Variants in FCMR observed in about 807,000 individuals in gnomAD.
FCMR encodes the protein Fc mu receptor.
Under a neutral mutation model 41.6 loss-of-function variants are expected in FCMR, and 34 were observed. The observed-to-expected ratio is 0.82, with a 90% CI of 0.62 to 1.09. The LOEUF is 1.09. FCMR is among the 50% of genes least tolerant of loss of function. The pLI is 0.00. For missense variants in FCMR, 496 were observed against 512.5 expected, an observed-to-expected ratio of 0.97 and a Z score of 0.31; for synonymous variants, 209 against 211.8, an observed-to-expected ratio of 0.99 and a Z score of 0.12.
At chr1:206,905,655 C>T (rs1349348877) in intron 7 of FCMR, among the ~76,000 whole-genome samples, 1 of 152,136 alleles carries the variant, frequency 6.6e-6, no homozygotes, top group African/African-American at 2.4e-5. Flanking sequence ...CTTCCCCAGA[C>T]AGAAACTTCA....
chr1:206,918,857 G>T (rs544661438), intron 1 of FCMR, among the ~76,000 whole-genome samples: 6 of 152,108 alleles, frequency 3.9e-5, no homozygotes, highest in Admixed American at 6.5e-5. Flanking sequence ...TGCCTCATGC[G>T]CTAGGCCCTA....
At position 206,921,775 on chromosome 1, in the gene FCMR, A is replaced by T. The variant is rs766181369; in HGVS notation, c.37+43T>A. 3.1e-6 allele frequency: 5 copies of T among 1,587,646 alleles called. No individual in the cohort carries two copies. The African/African-American group carries it at 6.7e-5, about 21-fold the overall frequency. ...CAATTATTCTACTTGTGGCCAATTCAAGCCTCATTCAGAGGTCTGAAGTGT... is the reference window on the plus strand; with the variant it reads ...CAATTATTCTACTTGTGGCCAATTCTAGCCTCATTCAGAGGTCTGAAGTGT... On this transcript the variant is annotated intron_variant, in intron 1 of 7. Transcript: ENST00000367091.
At chr1:206,923,001 C>G (rs1440511852), upstream of FCMR, 2 of 152,204 alleles carry the variant, frequency 1.3e-5, no homozygotes, top group Non-Finnish European at 2.9e-5. Flanking sequence ...AAGAAGCCTT[C>G]ACTGTGAGCT....
intron 7 of FCMR, among the ~76,000 whole-genome samples, chr1:206,907,080 CGGGGGGTGGGGGGGTGGGGGGGTGGGG>C (rs1678682663): frequency 3.9e-5 from 1 of 25,708 alleles, no homozygotes; most frequent in Non-Finnish European, 7.8e-5. Context: ...CCGGAGAAGC[CGGGGGGTGGGGGGGTGGGGGGGTGGGG>C]GGGGGGTGGG....
chr1:206,912,821 G>A, intron 3 of FCMR, 108 bp downstream of exon 3: 2 of 779,218 alleles, frequency 2.6e-6, no homozygotes, highest in South Asian at 2.9e-5. Context: ...CTAAGACTCA[G>A]CTCAGCTCTG....
At chr1:206,908,909 T>A (rs1192872579) in intron 7 of FCMR, among the ~76,000 whole-genome samples, 1 of 152,258 alleles carries the variant, frequency 6.6e-6, no homozygotes, top group South Asian at 2.1e-4. Context: ...GCGAGTTCCC[T>A]CCATCCACTC....
In FCMR at chr1:206,911,238, GT is replaced by G. The variant is rs34410700; in HGVS notation, c.710+491del. On this transcript the variant is annotated intron_variant, in intron 4 of 7. Coordinates refer to ENST00000367091, the MANE Select transcript of FCMR (RefSeq NM_005449.5). ...CAAAACCAATTTTGATTATTATAGG[GT>G]TTTTTTTTTTTGGAGTCTGCTATAA... Among the ~76,000 whole-genome samples, 384 of 145,998 alleles carry G rather than the reference GT, an allele frequency of 2.6e-3. 3 individuals carry two copies. Among genetic ancestry groups the G allele is most frequent in the East Asian group, 0.024 (122 of 4,992 alleles).
chr1:206,909,658 T>C lies in FCMR; in HGVS notation c.985+67A>G. 1 of 1,351,242 alleles carries C rather than the reference T, an allele frequency of 7.4e-7. No homozygotes were observed. Among genetic ancestry groups the C allele is most frequent in the Non-Finnish European group, 9.5e-7 (1 of 1,057,016 alleles). 83.7% of individuals were successfully genotyped at this position (1,351,242 alleles called of 1,614,324 possible). ...CCTGGCACCTGGGAGCGCGCCCCGC[T>C]GCGCCCGGCTTTCCCGGAGCCAGCG... On this transcript the variant is annotated intron_variant, in intron 6 of 7. Transcript: ENST00000367091. This position sits in a 1 kb window ranked among gnomAD's most constrained non-coding sequence, Gnocchi z 5.0.
intron 3 of FCMR, 133 bp from the exon 4 acceptor site, chr1:206,912,085 G>T: frequency 2.9e-6 from 2 of 678,800 alleles, no homozygotes; most frequent in Non-Finnish European, 4.9e-6. Context: ...AGTCCTCAGG[G>T]CCTAAAATCC....
intron 7 of FCMR, among the ~76,000 whole-genome samples, chr1:206,907,148 T>C (rs977173230): frequency 4.9e-5 from 7 of 144,260 alleles, no homozygotes; most frequent in African/African-American, 1.8e-4. Flanking sequence ...GAACTGCCTC[T>C]TGTTGCTGGG....
chr1:206,922,543 A>C (rs1159889529), upstream of FCMR, among the ~76,000 whole-genome samples: 3 of 152,354 alleles, frequency 2.0e-5, no homozygotes, highest in African/African-American at 7.2e-5. Flanking sequence ...ACAGTTCCTG[A>C]GGACTTCACA....
In FCMR at chr1:206,911,780, G is replaced by A; in HGVS notation, c.660C>T (p.Leu220=). Residue 220 remains leucine (L), a synonymous_variant, in exon 4 of 8, where the codon CTC becomes CTT. Coordinates refer to ENST00000367091, the MANE Select transcript of FCMR (RefSeq NM_005449.5). ...ASKISALEGL[L]KPQTPSYNHH... is the part of the protein sequence containing the mutation. ...GGTTGTAGCTGGGCGTCTGGGGCTT[G>A]AGCAGCCCCTCCAGAGCTGAGATTT... 2 of 1,611,784 alleles carry A rather than the reference G, an allele frequency of 1.2e-6. No individual in the cohort carries two copies. The highest frequency in any genetic ancestry group is 1.7e-6 in the Non-Finnish European group (2 of 1,179,318).
chr1:206,919,874 C>A (rs540651991), intron 1 of FCMR, among the ~76,000 whole-genome samples: 1 of 152,226 alleles, frequency 6.6e-6, no homozygotes, highest in Non-Finnish European at 1.5e-5. Flanking sequence ...CCTACTACCT[C>A]TCACAGTGTT....
chr1:206,913,621 T>G, intron 2 of FCMR, 138 bp downstream of exon 2: 1 of 670,678 alleles, frequency 1.5e-6, no homozygotes, highest in East Asian at 2.6e-5. Flanking sequence ...AGGTTTCATA[T>G]GGATCTCAAT....
chr1:206,908,735 A>AC (rs1558646851), intron 7 of FCMR, among the ~76,000 whole-genome samples: 4 of 152,192 alleles, frequency 2.6e-5, no homozygotes, highest in African/African-American at 7.2e-5. Context: ...GAAAAAAAAA[A>AC]CAGGGATTTT....
In FCMR at chr1:206,909,733, T is replaced by A. The variant is rs544145639; in HGVS notation, c.977A>T (p.Asp326Val). Residue 326 changes from aspartate (D) to valine (V), a missense_variant, in exon 6 of 8, where the codon GAC becomes GTC. Transcript: ENST00000367091. This position sits in a 1 kb window ranked among gnomAD's most constrained non-coding sequence, Gnocchi z 5.0. ...SACPRRARGA[D>V]AAGTGEAPVP... ...CCCGCCCGGCGGCTCACCTGCAGCG[T>A]CCGCTCCACGAGCGCGCCGCGGGCA... The A allele has an allele frequency of 5.5e-6, 8 of 1,454,310 alleles. No individual in the cohort carries two copies. The South Asian group carries it at 6.8e-5, about 12-fold the overall frequency. The allele number at this position is 1,454,310 out of a possible 1,614,324, so 90.1% of individuals were successfully genotyped here.
intron 7 of FCMR, chr1:206,908,012 C>T (rs1678750329): frequency 7.0e-7 from 1 of 1,434,542 alleles, no homozygotes; most frequent in Non-Finnish European, 9.7e-7. Flanking sequence ...CTGAAGCTTA[C>T]AAGAAAGTTT....
intron 1 of FCMR, among the ~76,000 whole-genome samples, chr1:206,916,023 G>A (rs1679177749): frequency 6.6e-6 from 1 of 152,002 alleles, no homozygotes; most frequent in Admixed American, 6.6e-5. Context: ...GGAGAGGGAG[G>A]ACGTACAGGA....
intron 1 of FCMR, among the ~76,000 whole-genome samples, chr1:206,916,765 G>A (rs535417621): frequency 6.6e-5 from 10 of 152,364 alleles, no homozygotes; most frequent in African/African-American, 2.2e-4. Context: ...AGCACAGTGT[G>A]CATGAGACTC....
Sources: gnomAD v4.1 joint callset for allele counts (sites outside exome capture counted in the v4.1 genomes callset) on GRCh38, gnomAD v4.1.1 for gene constraint, Gnocchi (gnomAD v3.1) non-coding constraint, MANE v1.5 for transcripts, NCBI Gene and HGNC (gene_info 2026-07-23, HGNC 2026-07-21) for gene names.